The following ZNF34 variants were observed in gnomAD, a reference collection of about 807,000 sequenced individuals.
ZNF34 encodes zinc finger protein 34 (KOX 32).
Under a neutral mutation model 14.4 loss-of-function variants are expected in ZNF34, and 8 were observed. That is an observed-to-expected ratio of 0.55 (90% CI 0.33 to 1.00). ZNF34 has a LOEUF of 1.00. Among genes scored for constraint, ZNF34 ranks in the 50% least tolerant of loss-of-function variants. ZNF34 has a pLI of 0.03. For missense variants in ZNF34, 538 were observed against 674.2 expected, an observed-to-expected ratio of 0.80 and a Z score of 2.24; for synonymous variants, 235 against 247.9, an observed-to-expected ratio of 0.95 and a Z score of 0.49.
At chr8:144,775,766 A>G (rs1422455963) in intron 5 of ZNF34, among the ~76,000 whole-genome samples, 1 of 152,240 alleles carries the variant, frequency 6.6e-6, no homozygotes, top group Non-Finnish European at 1.5e-5. Flanking sequence ...ATTTTTCATA[A>G]AAATTCACTG....
chr8:144,773,825 C>T lies in ZNF34; in HGVS notation c.1061G>A (p.Gly354Asp). The change falls in exon 6 of 6, where the codon GGC (glycine) becomes GAC (aspartate). Residue 354 changes from glycine to aspartate, a missense_variant. By Grantham distance (94) the Gly-to-Asp change is moderately conservative (BLOSUM62 -1). Transcript: ENST00000429371. The surrounding 1 kb of genome is among the most constrained non-coding windows in gnomAD (Gnocchi z 5.4). ...CCGACGATGTCGGATAAGGATTGAG[C>T]CATCACTGAAGGCTTTCCCGCAGTC... ...CNDCGKAFSD[G>D]SILIRHRRTH... 6.2e-7 allele frequency: 1 copy of T among 1,614,116 alleles called. No homozygotes were observed. Among genetic ancestry groups the T allele is most frequent in the South Asian group, 1.1e-5 (1 of 91,084 alleles).
rs147925227 is a variant in ZNF34, at chr8:144,777,797, C to A, written c.161-220G>T. Among the ~76,000 whole-genome samples the A allele has an allele frequency of 6.6e-6, 1 of 152,074 alleles. No individual in the cohort carries two copies. Among genetic ancestry groups the A allele is most frequent in the African/African-American group, 2.4e-5 (1 of 41,404 alleles). On this transcript the variant is annotated intron_variant, in intron 4 of 5. Transcript: ENST00000429371. This position sits in a 1 kb window ranked among gnomAD's most constrained non-coding sequence, Gnocchi z 4.8. ...ACTAGGAGGTATGCAACTCCGCCCC[C>A]CCGGTGTCCCCCGCCCTACCAGGGA...
chr8:144,778,887 CACT>C (rs1304251532), intron 2 of ZNF34, among the ~76,000 whole-genome samples: 1 of 152,134 alleles, frequency 6.6e-6, no homozygotes, highest in East Asian at 1.9e-4. Context: ...CGCGCACCAC[CACT>C]GTTGGTGGAA....
rs764821822 is a variant in ZNF34 at position 144,778,079 on chromosome 8, C to T, written c.119G>A (p.Arg40Lys). The T allele has an allele frequency of 6.2e-7, 1 of 1,614,088 alleles. No homozygotes were observed. Among genetic ancestry groups the T allele is most frequent in the Admixed American group, 1.7e-5 (1 of 59,996 alleles). Residue 40 changes from arginine (R) to lysine (K), a missense_variant, in exon 4 of 6, where the codon AGG (arginine) becomes AAG (lysine). Arg to Lys is a conservative substitution (Grantham distance 26, BLOSUM62 2). This residue lies in a region of ZNF34 where 431 missense variants were observed against 525.7 expected (regional missense o/e 0.82). Coordinates refer to ENST00000429371, the MANE Select transcript of ZNF34 (RefSeq NM_001286769.2). Reference sequence around the variant, plus strand: ...CCCGTAGGTCTCCAGCATCACGTCCCTGTAGAGGCCCCTCTGAGCAGGGCC... The same window carrying T: ...CCCGTAGGTCTCCAGCATCACGTCCTTGTAGAGGCCCCTCTGAGCAGGGCC... ...RLGPAQRGLY[R>K]DVMLETYGNL...
rs181474491 is a variant in ZNF34 at position 144,776,959 on chromosome 8, G to A, written c.280+499C>T. On this transcript the variant is annotated intron_variant, in intron 5 of 5. Transcript: ENST00000429371. ...AGTGTCAGTACATAACAGTGGAAAGGCCAGTGCTAGAAAAGGAATAGCAGA... is the reference window on the plus strand; with the variant it reads ...AGTGTCAGTACATAACAGTGGAAAGACCAGTGCTAGAAAAGGAATAGCAGA... 9.3e-5 allele frequency among the ~76,000 whole-genome samples: 14 copies of A among 150,680 alleles called. No individual in the cohort carries two copies. In the East Asian group the frequency reaches 1.6e-3, roughly 17 times the overall value.
chr8:144,780,335 T>A, intron 1 of ZNF34, 55 bp from the exon 2 acceptor site: 2 of 1,299,048 alleles, frequency 1.5e-6, no homozygotes, highest in Non-Finnish European at 2.2e-6. Context: ...GATCAAACAC[T>A]AGTTAAAATG....
intron 1 of ZNF34, among the ~76,000 whole-genome samples, chr8:144,780,991 C>A (rs1051517878): frequency 6.6e-6 from 1 of 150,944 alleles, no homozygotes; most frequent in African/African-American, 2.4e-5. Flanking sequence ...AAAAAATTAG[C>A]CGGGCGTGGT....
intron 1 of ZNF34, chr8:144,785,162 T>C (rs1473211928): frequency 8.5e-6 from 1 of 117,626 alleles, no homozygotes; most frequent in Admixed American, 8.2e-5. Flanking sequence ...ACCACAAAGA[T>C]AAAAGGCAAG....
rs1825782360 is a variant in ZNF34, at chr8:144,780,280, C to T, written c.-107G>A. The T allele has an allele frequency of 6.5e-7, 1 of 1,549,346 alleles. No homozygotes were observed. Among genetic ancestry groups the T allele is most frequent in the Non-Finnish European group, 8.7e-7 (1 of 1,145,294 alleles). ...AGATACATGTGATGCAACTATTTGG[C>T]CTAAAATAAAATAACACAGAAAGGC... On this transcript the variant is annotated splice_region_variant and 5_prime_UTR_variant, in exon 2 of 6. Transcript: ENST00000429371.
chr8:144,786,862 G>C (rs1008722748), intron 1 of ZNF34, among the ~76,000 whole-genome samples: 2 of 151,894 alleles, frequency 1.3e-5, no homozygotes, highest in South Asian at 2.1e-4. Context: ...TGGGAGGACC[G>C]CGAGACGCAC....
rs1305171878 is a variant in ZNF34 at position 144,787,263 on chromosome 8, C to G, written c.-108+16G>C. The G allele has an allele frequency of 7.2e-5, 11 of 152,634 alleles. No individual in the cohort carries two copies. The highest frequency in any genetic ancestry group is 7.2e-4 in the Admixed American group (11 of 15,294). The allele number at this position is 152,634 out of a possible 1,614,324, so 9.5% of individuals were successfully genotyped here. On this transcript the variant is annotated intron_variant, in intron 1 of 5. Coordinates refer to ENST00000429371, the MANE Select transcript of ZNF34 (RefSeq NM_001286769.2). The stretch of plus-strand genomic sequence containing the variant: ...TCTGCGCCCCGCGCGCCCGCCCCCG[C>G]CGGGCTCACACTCACCTCAGCGCCG...
At chr8:144,784,162 G>GAAA (rs59291940) in intron 1 of ZNF34, among the ~76,000 whole-genome samples, 2 of 93,240 alleles carry the variant, frequency 2.1e-5, no homozygotes, top group Non-Finnish European at 4.8e-5. Flanking sequence ...TACGTCTCCA[G>GAAA]AAAAAAAAAA....
At chr8:144,786,506 C>T (rs1188806410) in intron 1 of ZNF34, among the ~76,000 whole-genome samples, 2 of 151,134 alleles carry the variant, frequency 1.3e-5, no homozygotes, top group East Asian at 4.1e-4. Flanking sequence ...TGGTGGCGGG[C>T]GCCTGTAATC....
At chr8:144,774,659 G>C in intron 5 of ZNF34, 54 bp from the exon 6 acceptor site, 1 of 1,542,574 alleles carries the variant, frequency 6.5e-7, no homozygotes, top group East Asian at 2.3e-5. Context: ...CTGGAAGGTA[G>C]GCATGAGATG....
intron 5 of ZNF34, among the ~76,000 whole-genome samples, chr8:144,775,209 T>C (rs1343641872): frequency 6.6e-6 from 1 of 152,226 alleles, no homozygotes; most frequent in Non-Finnish European, 1.5e-5. Context: ...GGCTCTGCAC[T>C]GCACATGAAC....
Position 144,781,536 on chromosome 8 carries a change from A to G in ZNF34, c.-107-1256T>C, listed in dbSNP as rs540376357. ...CTCCCAAAGTGCTGGGATTACAGGC[A>G]GGAGCCACCATGACCAGTCGAGATT... On this transcript the variant is annotated intron_variant, in intron 1 of 5. Transcript: ENST00000429371. Among the ~76,000 whole-genome samples, 99 of 152,242 alleles carry G rather than the reference A, an allele frequency of 6.5e-4. 1 individual carries two copies. The East Asian group carries it at 6.8e-3, about 10-fold the overall frequency.
rs768979082 is a variant in ZNF34 at position 144,773,401 on chromosome 8, C to T, written c.1485G>A (p.Thr495=). The T allele has an allele frequency of 9.3e-6, 15 of 1,611,682 alleles. No individual in the cohort carries two copies. The highest frequency in any genetic ancestry group is 3.3e-5 in the Admixed American group (2 of 59,738). ...GGATCCTCCGGTGCTGAATCAAGTA[C>T]GTGCTCTGGCTGAAGGCTTTCTTGC... The part of the protein sequence containing the change: ...SDCKKAFSQS[T]YLIQHRRIHT... Residue 495 remains threonine, a synonymous_variant, in exon 6 of 6, where the codon ACG becomes ACA. Coordinates refer to ENST00000429371, the MANE Select transcript of ZNF34 (RefSeq NM_001286769.2). This position sits in a 1 kb window ranked among gnomAD's most constrained non-coding sequence, Gnocchi z 5.4.
Position 144,773,941 on chromosome 8 carries a change from C to T in ZNF34, c.945G>A (p.Lys315=). ...QRIHTGEKPY[K]CGECGKHFSA... Reference sequence around the variant, plus strand: ...TAAAGTGCTTCCCACACTCCCCACACTTGTAGGGTTTCTCCCCAGTGTGAA... The same window carrying T: ...TAAAGTGCTTCCCACACTCCCCACATTTGTAGGGTTTCTCCCCAGTGTGAA... Residue 315 remains lysine, a synonymous_variant, in exon 6 of 6, where the codon AAG becomes AAA. Transcript: ENST00000429371. This position sits in a 1 kb window ranked among gnomAD's most constrained non-coding sequence, Gnocchi z 5.4. 1 of 1,614,002 alleles carries T rather than the reference C, an allele frequency of 6.2e-7. No individual in the cohort carries two copies. Among genetic ancestry groups the T allele is most frequent in the East Asian group, 2.2e-5 (1 of 44,874 alleles).
rs1825354388 is a variant in ZNF34, at chr8:144,774,268, G to C, written c.618C>G (p.Asn206Lys). 1 of 1,613,854 alleles carries C rather than the reference G, an allele frequency of 6.2e-7. No individual in the cohort carries two copies. The highest frequency in any genetic ancestry group is 8.5e-7 in the Non-Finnish European group (1 of 1,179,810). ...AGTTTGCACTGAAGATTTCCCCAGA[G>C]TTACGAACTGTATTTGTTTTTTTTG... ...HRSKKTNTVR[N>K]SGEIFSANLV... Residue 206 changes from asparagine (N) to lysine (K), a missense_variant, in exon 6 of 6, where the codon AAC becomes AAG. Physicochemically the swap from Asn to Lys is moderately conservative, Grantham distance 94 (BLOSUM62 0). Around this residue, in one of 3 missense-constraint regions of ZNF34, gnomAD observed 431 missense variants for 525.7 expected, o/e 0.82. Transcript: ENST00000429371.
Sources: gnomAD v4.1 joint callset for allele counts (sites outside exome capture counted in the v4.1 genomes callset) on GRCh38, gnomAD v4.1.1 for gene constraint, gnomAD v4.1.1 regional missense constraint, Gnocchi (gnomAD v3.1) non-coding constraint, MANE v1.5 for transcripts, NCBI Gene and HGNC (gene_info 2026-07-23, HGNC 2026-07-21) for gene names.